The following MMP16 variants were observed in gnomAD, a reference collection of about 807,000 sequenced individuals.
MMP16 encodes matrix metallopeptidase 16.
MMP16 carries 12 observed loss-of-function variants against 67.8 expected under a neutral mutation model. The observed-to-expected ratio is 0.18, with a 90% CI of 0.11 to 0.29. MMP16 has a LOEUF of 0.29. Among genes scored for constraint, MMP16 ranks in the 10% least tolerant of loss-of-function variants. The pLI is 1.00. For synonymous variants in MMP16, 249 were observed against 255.9 expected (o/e 0.97, Z 0.26); for missense variants, 475 against 765.7 (o/e 0.62, Z 4.48).
chr8:88,155,243 T>C (rs1808489104), intron 4 of MMP16, among the ~76,000 whole-genome samples: 1 of 152,096 alleles, frequency 6.6e-6, no homozygotes, highest in Non-Finnish European at 1.5e-5. Context: ...AAACTACAGA[T>C]ACAATTTAAT....
At chr8:88,263,174 TATA>T (rs1336351658) in intron 1 of MMP16, among the ~76,000 whole-genome samples, 1 of 152,118 alleles carries the variant, frequency 6.6e-6, no homozygotes, top group Non-Finnish European at 1.5e-5. Flanking sequence ...CTCTGTGCAT[TATA>T]ATAATGTCAT....
intron 4 of MMP16, among the ~76,000 whole-genome samples, chr8:88,129,155 A>G (rs1224938507): frequency 6.6e-6 from 1 of 151,810 alleles, no homozygotes; most frequent in Non-Finnish European, 1.5e-5. Context: ...TTACATACAT[A>G]GAAGCAACTA....
intron 1 of MMP16, among the ~76,000 whole-genome samples, chr8:88,294,407 C>T (rs1810975486): frequency 7.1e-6 from 1 of 141,126 alleles, no homozygotes; most frequent in Admixed American, 6.8e-5. Flanking sequence ...TATGTATATA[C>T]ATATATACAC....
intron 1 of MMP16, among the ~76,000 whole-genome samples, chr8:88,208,530 A>G (rs1442935387): frequency 6.6e-6 from 1 of 152,178 alleles, no homozygotes; most frequent in East Asian, 1.9e-4. Flanking sequence ...CCTGGCCCCA[A>G]ACACAACATC....
rs28991899 is a variant in MMP16 at position 88,056,530 on chromosome 8, G to A, written c.1223-252C>T. Among the ~76,000 whole-genome samples the A allele has an allele frequency of 4.1e-3, 622 of 151,934 alleles. 17 individuals carry two copies. The East Asian group carries it at 0.064, about 16-fold the overall frequency. On this transcript the variant is annotated intron_variant, in intron 7 of 9. Transcript: ENST00000286614. ...ATAATAATATAACCAAAATTTGTGA[G>A]TGAATTTAAAAAATAAAATAGATCT...
chr8:88,092,056 G>A (rs996012090), intron 6 of MMP16, among the ~76,000 whole-genome samples: 8 of 151,788 alleles, frequency 5.3e-5, no homozygotes, highest in African/African-American at 1.9e-4. Flanking sequence ...CCAAGACTAT[G>A]AGAAAATGTT....
intron 7 of MMP16, among the ~76,000 whole-genome samples, chr8:88,070,110 C>A (rs1350448576): frequency 6.6e-6 from 1 of 152,040 alleles, no homozygotes; most frequent in South Asian, 2.1e-4. Flanking sequence ...ATTTATTTCA[C>A]TAGATAAAAC....
At chr8:88,107,530 G>C (rs1809263212) in intron 6 of MMP16, among the ~76,000 whole-genome samples, 1 of 150,824 alleles carries the variant, frequency 6.6e-6, no homozygotes, top group African/African-American at 2.4e-5. Flanking sequence ...ATTTTCTCCT[G>C]AGTAGTGGAA....
chr8:88,080,716 G>A (rs1337171436), intron 6 of MMP16, among the ~76,000 whole-genome samples: 8 of 152,140 alleles, frequency 5.3e-5, no homozygotes, highest in East Asian at 1.9e-4. Context: ...GATTATAGGC[G>A]TGAGCCACCG....
intron 4 of MMP16, among the ~76,000 whole-genome samples, chr8:88,143,255 G>A (rs1183565551): frequency 6.6e-6 from 1 of 152,062 alleles, no homozygotes; most frequent in Non-Finnish European, 1.5e-5. Flanking sequence ...ATACATTTTG[G>A]TATGCTATAA....
At chr8:88,284,739 A>G (rs959179577) in intron 1 of MMP16, among the ~76,000 whole-genome samples, 20 of 151,982 alleles carry the variant, frequency 1.3e-4, no homozygotes, top group African/African-American at 4.8e-4. Context: ...ACTGCTTCCT[A>G]AAACAATTCC....
At chr8:88,122,331 A>G (rs1437626824) in intron 4 of MMP16, among the ~76,000 whole-genome samples, 2 of 151,992 alleles carry the variant, frequency 1.3e-5, no homozygotes, top group African/African-American at 4.8e-5. Flanking sequence ...TTTTAAAAGA[A>G]AAATCAAAGT....
chr8:88,101,082 C>T (rs531264292), intron 6 of MMP16, among the ~76,000 whole-genome samples: 4 of 151,814 alleles, frequency 2.6e-5, no homozygotes, highest in Non-Finnish European at 4.4e-5. Context: ...ATGTAACAAA[C>T]CTGCACGTTG....
rs569088282 is a variant in MMP16 at position 88,222,171 on chromosome 8, A to G, written c.133-24865T>C. On this transcript the variant is annotated intron_variant, in intron 1 of 9. Transcript: ENST00000286614. Reference sequence around the variant, plus strand: ...GTAGAAAAACAAGTGTGTAGATGACATGGAATCTTGTTTTTAGGAGTGCAC... The same window carrying G: ...GTAGAAAAACAAGTGTGTAGATGACGTGGAATCTTGTTTTTAGGAGTGCAC... 2.6e-5 allele frequency among the ~76,000 whole-genome samples: 4 copies of G among 151,680 alleles called. No homozygotes were observed. In the East Asian group the frequency reaches 7.8e-4, roughly 30 times the overall value.
rs1296216046 is a variant in MMP16, at chr8:88,089,175, A to T, written c.1084-14432T>A. On this transcript the variant is annotated intron_variant, in intron 6 of 9. Coordinates refer to ENST00000286614, the MANE Select transcript of MMP16 (RefSeq NM_005941.5). Reference sequence around the variant, plus strand: ...TATGTCTCTTTCACTAGGCTGGAAGATCCATACATTAAGAATAACTTGAGA... The same window carrying T: ...TATGTCTCTTTCACTAGGCTGGAAGTTCCATACATTAAGAATAACTTGAGA... Among the ~76,000 whole-genome samples, 4 of 152,058 alleles carry T rather than the reference A, an allele frequency of 2.6e-5. No individual in the cohort carries two copies. In the South Asian group the frequency reaches 6.2e-4, roughly 24 times the overall value.
At chr8:88,322,526 CTAT>C (rs1176314315) in intron 1 of MMP16, among the ~76,000 whole-genome samples, 1 of 151,868 alleles carries the variant, frequency 6.6e-6, no homozygotes, top group Non-Finnish European at 1.5e-5. Context: ...CCTTTATTTT[CTAT>C]TAATAATAAT....
chr8:88,323,848 T>C (rs1232177288), intron 1 of MMP16, among the ~76,000 whole-genome samples: 1 of 151,702 alleles, frequency 6.6e-6, no homozygotes, highest in Non-Finnish European at 1.5e-5. Flanking sequence ...AGGAACAAAA[T>C]GATTTTTAAG....
intron 6 of MMP16, among the ~76,000 whole-genome samples, chr8:88,094,274 T>C (rs1808988312): frequency 1.3e-5 from 2 of 151,800 alleles, no homozygotes; most frequent in Admixed American, 6.6e-5. Context: ...TAGATAACCA[T>C]AGATTCCACT....
In MMP16 at chr8:88,133,374, G is replaced by C. The variant is rs538735877; in HGVS notation, c.710-14513C>G. ...CTCCCAATAATCAGGCAGAAATACA[G>C]GGCCCTCTTTATCATTGTCTTGTCC... On this transcript the variant is annotated intron_variant, in intron 4 of 9. Transcript: ENST00000286614. Among the ~76,000 whole-genome samples the C allele has an allele frequency of 2.0e-5, 3 of 151,926 alleles. 1 individual carries two copies. In the South Asian group the frequency reaches 6.2e-4, roughly 31 times the overall value.
Sources: allele counts gnomAD v4.1 joint callset (sites outside exome capture counted in the v4.1 genomes callset), GRCh38; gene constraint gnomAD v4.1.1; transcripts MANE v1.5; gene names NCBI Gene and HGNC (gene_info 2026-07-23, HGNC 2026-07-21).